LMBR1: variants seen among roughly 807,000 people sequenced by gnomAD.
LMBR1 encodes the protein limb region 1 protein homolog.
In LMBR1, 52 loss-of-function variants were observed where a neutral mutation model predicts 73.9. That is an observed-to-expected ratio of 0.70 (90% CI 0.56 to 0.89). LMBR1 has a LOEUF of 0.89. LMBR1 is among the 40% of genes least tolerant of loss of function. LMBR1 has a pLI of 0.00. For missense variants in LMBR1, 539 were observed against 579.8 expected, an observed-to-expected ratio of 0.93 and a Z score of 0.72; for synonymous variants, 215 against 209.4, an observed-to-expected ratio of 1.03 and a Z score of -0.23.
chr7:156,829,183 C>A (rs1237787811), intron 3 of LMBR1, among the ~76,000 whole-genome samples: 1 of 152,218 alleles, frequency 6.6e-6, no homozygotes, highest in African/African-American at 2.4e-5. Context: ...GGCGACTGGC[C>A]AAGGAGACAC....
intron 15 of LMBR1, among the ~76,000 whole-genome samples, chr7:156,692,456 C>T (rs1807419370): frequency 6.6e-6 from 1 of 152,210 alleles, no homozygotes; most frequent in South Asian, 2.1e-4. Context: ...TTATTGACTT[C>T]AGGCTCCAGC....
At chr7:156,713,520 T>C (rs976229876) in intron 15 of LMBR1, among the ~76,000 whole-genome samples, 2 of 151,998 alleles carry the variant, frequency 1.3e-5, no homozygotes, top group East Asian at 1.9e-4. Flanking sequence ...TCTGCACTTT[T>C]CCCTCAATTT....
rs112130937 is a variant in LMBR1 at position 156,774,700 on chromosome 7, C to T, written c.424-10905G>A. Among the ~76,000 whole-genome samples, 11 of 152,078 alleles carry T rather than the reference C, an allele frequency of 7.2e-5. No individual in the cohort carries two copies. In the South Asian group the frequency reaches 8.3e-4, roughly 12 times the overall value. On this transcript the variant is annotated intron_variant, in intron 5 of 16. Transcript: ENST00000353442. ...TACACAAATTAGCCGGGCGTGGTGGCGGGCACCTGTAGTCCCAGCTACTCA... is the reference window on the plus strand; with the variant it reads ...TACACAAATTAGCCGGGCGTGGTGGTGGGCACCTGTAGTCCCAGCTACTCA...
At chr7:156,852,664 TG>T (rs1430075547) in intron 1 of LMBR1, among the ~76,000 whole-genome samples, 1 of 152,178 alleles carries the variant, frequency 6.6e-6, no homozygotes, top group Non-Finnish European at 1.5e-5. Flanking sequence ...AGGGTGACAA[TG>T]TCCCCCCCAG....
chr7:156,887,745 C>A (rs377220761), intron 1 of LMBR1, among the ~76,000 whole-genome samples: 3 of 152,166 alleles, frequency 2.0e-5, no homozygotes, highest in East Asian at 1.9e-4. Flanking sequence ...ACAGAATGGG[C>A]GAGAAGTGTT....
Position 156,771,825 on chromosome 7 carries a change from C to T in LMBR1, c.424-8030G>A, listed in dbSNP as rs886408234. Among the ~76,000 whole-genome samples the T allele has an allele frequency of 1.1e-3, 169 of 152,082 alleles. 10 individuals are homozygous for T. The highest frequency in any genetic ancestry group is 1.8e-4 in the Non-Finnish European group (12 of 68,008). ...CCAATATTCTTGATAAACACAGATGCAAAATCCTCAACAAAATACTAGCAA... is the reference window on the plus strand; with the variant it reads ...CCAATATTCTTGATAAACACAGATGTAAAATCCTCAACAAAATACTAGCAA... On this transcript the variant is annotated intron_variant, in intron 5 of 16. Transcript: ENST00000353442.
intron 5 of LMBR1, among the ~76,000 whole-genome samples, chr7:156,791,798 G>T (rs919236901): frequency 6.6e-6 from 1 of 152,152 alleles, no homozygotes; most frequent in South Asian, 2.1e-4. Flanking sequence ...ATGTCTGGAT[G>T]GTTTGGATAA....
At chr7:156,749,048 C>G (rs1255287192) in intron 9 of LMBR1, among the ~76,000 whole-genome samples, 2 of 152,142 alleles carry the variant, frequency 1.3e-5, no homozygotes, top group Non-Finnish European at 2.9e-5. Context: ...ATTTCAGATC[C>G]TTGGACACAA....
In LMBR1 at chr7:156,685,384, A is replaced by G. The variant is rs924876200; in HGVS notation, c.1388-1221T>C. Among the ~76,000 whole-genome samples the G allele has an allele frequency of 6.6e-6, 1 of 152,236 alleles. No individual in the cohort carries two copies. The highest frequency in any genetic ancestry group is 1.5e-5 in the Non-Finnish European group (1 of 68,036). ...CGAACAACAGGAATGCATTCTGAGAAATGCGCTGTCGAGCGATTCTGTCGC... is the reference window on the plus strand; with the variant it reads ...CGAACAACAGGAATGCATTCTGAGAGATGCGCTGTCGAGCGATTCTGTCGC... On this transcript the variant is annotated intron_variant, in intron 16 of 16. Transcript: ENST00000353442. This position sits in a 1 kb window ranked among gnomAD's most constrained non-coding sequence, Gnocchi z 4.1.
intron 5 of LMBR1, among the ~76,000 whole-genome samples, chr7:156,776,154 T>C (rs1158006386): frequency 6.6e-6 from 1 of 151,090 alleles, no homozygotes; most frequent in East Asian, 1.9e-4. Context: ...AATATCTGGT[T>C]CTTAGTAAAC....
At chr7:156,725,977 A>T (rs1413902063) in intron 12 of LMBR1, 140 bp from the exon 13 acceptor site, 2 of 622,812 alleles carry the variant, frequency 3.2e-6, no homozygotes, top group Non-Finnish European at 5.6e-6. Context: ...TTCAAAGGCC[A>T]ACAAGACATG....
chr7:156,775,859 C>T (rs1826033656), intron 5 of LMBR1, among the ~76,000 whole-genome samples: 1 of 151,728 alleles, frequency 6.6e-6, no homozygotes, highest in Non-Finnish European at 1.5e-5. Flanking sequence ...ATGAGACATA[C>T]TAGGCTGGTT....
intron 10 of LMBR1, among the ~76,000 whole-genome samples, chr7:156,729,082 G>A (rs1816339244): frequency 6.6e-6 from 1 of 151,962 alleles, no homozygotes; most frequent in Non-Finnish European, 1.5e-5. Flanking sequence ...GGGCTCAAAC[G>A]ATCCTCCCCG....
At chr7:156,772,085 C>A (rs554226544) in intron 5 of LMBR1, among the ~76,000 whole-genome samples, 3 of 152,162 alleles carry the variant, frequency 2.0e-5, no homozygotes, top group Non-Finnish European at 4.4e-5. Flanking sequence ...ACCAGCCTGA[C>A]CAACATGGTG....
chr7:156,892,723 G>C (rs1353886601), intron 1 of LMBR1: 19 of 385,900 alleles, frequency 4.9e-5, no homozygotes, highest in Non-Finnish European at 7.8e-5. Context: ...AGGAAGCGAA[G>C]GGGAGGGGAG....
At chr7:156,723,622 C>A (rs1175587675) in intron 15 of LMBR1, among the ~76,000 whole-genome samples, 1 of 152,052 alleles carries the variant, frequency 6.6e-6, no homozygotes, top group African/African-American at 2.4e-5. Context: ...GAATGACAGG[C>A]AAGTAGGAAC....
At chr7:156,812,028 G>A (rs750416429) in intron 4 of LMBR1, among the ~76,000 whole-genome samples, 6 of 152,076 alleles carry the variant, frequency 3.9e-5, no homozygotes, top group Non-Finnish European at 7.4e-5. Context: ...TGTTTTTAGG[G>A]GGATACCAGT....
intron 3 of LMBR1, 52 bp from the exon 4 acceptor site, chr7:156,826,796 C>A: frequency 2.0e-6 from 3 of 1,501,944 alleles, no homozygotes; most frequent in Admixed American, 2.1e-5. Flanking sequence ...GCAATGAACA[C>A]GAAAGTCATC....
rs748196836 is a variant in LMBR1, at chr7:156,763,712, T to C, written c.507A>G (p.Ser169=). The part of the protein sequence containing the change: ...LLILGIVWVA[S]ALIDNDAASM... ...TTGCGGCATCGTTGTCAATGAGTGC[T>C]GAAGCTACCCACACTATCCCAAGAA... is the stretch of plus-strand genomic sequence containing the variant. Residue 169 remains serine (S), a synonymous_variant, in exon 6 of 17, where the codon TCA becomes TCG. Transcript: ENST00000353442. 2 of 1,604,686 alleles carry C rather than the reference T, an allele frequency of 1.2e-6. No individual in the cohort carries two copies. Among genetic ancestry groups the C allele is most frequent in the East Asian group, 4.5e-5 (2 of 44,062 alleles).
Sources: gnomAD v4.1 joint callset for allele counts (sites outside exome capture counted in the v4.1 genomes callset) on GRCh38, gnomAD v4.1.1 for gene constraint, Gnocchi (gnomAD v3.1) non-coding constraint, MANE v1.5 for transcripts, NCBI Gene and HGNC (gene_info 2026-07-23, HGNC 2026-07-21) for gene names.